MRPS6: variants seen among roughly 807,000 people sequenced by gnomAD.
MRPS6 encodes mitochondrial ribosomal protein S6, also known as small ribosomal subunit protein bS6m.
Under a neutral mutation model 13.1 loss-of-function variants are expected in MRPS6, and 6 were observed. That is an observed-to-expected ratio of 0.46 (90% CI 0.25 to 0.91). The LOEUF (loss-of-function observed/expected upper bound fraction) is 0.91, where lower values mean the gene tolerates loss of function less well. Among genes scored for constraint, MRPS6 ranks in the 40% least tolerant of loss-of-function variants. MRPS6 has a pLI of 0.18. For synonymous variants in MRPS6, 61 were observed against 56.5 expected (o/e 1.08, Z -0.36); for missense variants, 164 against 155.6 (o/e 1.05, Z -0.29).
At chr21:34,078,523 T>C (rs573340552) in intron 1 of MRPS6, among the ~76,000 whole-genome samples, 1 of 152,302 alleles carries the variant, frequency 6.6e-6, no homozygotes. Flanking sequence ...AATACTGATG[T>C]TTCTAGATTT....
intron 1 of MRPS6, chr21:34,097,411 A>AG: frequency 1.4e-6 from 2 of 1,383,334 alleles, no homozygotes; most frequent in African/African-American, 2.7e-5. Context: ...TCTTTGGGGA[A>AG]AAAAGTTATG....
chr21:34,092,363 A>G (rs1978741016), intron 1 of MRPS6, among the ~76,000 whole-genome samples: 1 of 472 alleles, frequency 2.1e-3, no homozygotes, highest in Non-Finnish European at 4.2e-3. Flanking sequence ...AGTTGGAAAA[A>G]TCTAGACACG....
chr21:34,102,322 G>A (rs916497750), intron 1 of MRPS6: 2 of 998,936 alleles, frequency 2.0e-6, no homozygotes, highest in Non-Finnish European at 2.4e-6. Flanking sequence ...TGAGAATAAG[G>A]CTTTAAATTA....
chr21:34,108,782 A>G (rs965452582), intron 1 of MRPS6, among the ~76,000 whole-genome samples: 3 of 152,222 alleles, frequency 2.0e-5, no homozygotes, highest in African/African-American at 4.8e-5. Context: ...ATTTGAAATC[A>G]TAAGACCATA....
chr21:34,115,768 A>C (rs1979874314), intron 1 of MRPS6, among the ~76,000 whole-genome samples: 1 of 152,148 alleles, frequency 6.6e-6, no homozygotes, highest in Non-Finnish European at 1.5e-5. Context: ...TTGTTGCAAA[A>C]GAAGTTTGTC....
At chr21:34,095,241 CTG>C in intron 1 of MRPS6, 1 of 1,613,704 alleles carries the variant, frequency 6.2e-7, no homozygotes, top group Non-Finnish European at 8.5e-7. Flanking sequence ...CATAGTGGCC[CTG>C]TATTTTATCC....
chr21:34,105,265 T>C, intron 1 of MRPS6: 2 of 1,000,278 alleles, frequency 2.0e-6, no homozygotes, highest in Non-Finnish European at 2.4e-6. Flanking sequence ...CAGACCCATG[T>C]TGGCAATCAT....
intron 2 of MRPS6, among the ~76,000 whole-genome samples, chr21:34,130,827 G>A (rs1029376060): frequency 3.3e-5 from 5 of 152,208 alleles, no homozygotes; most frequent in Admixed American, 6.5e-5. Flanking sequence ...AAAGTTACGT[G>A]CTTTTCTATA....
intron 1 of MRPS6, among the ~76,000 whole-genome samples, chr21:34,116,318 GTT>G (rs543766044): frequency 1.2e-4 from 16 of 129,184 alleles, no homozygotes; most frequent in African/African-American, 3.4e-4. Context: ...AATCATCCAT[GTT>G]TTTTTTTTTT....
At chr21:34,082,837 A>ACGT (rs1989490184) in intron 1 of MRPS6, among the ~76,000 whole-genome samples, 1 of 152,190 alleles carries the variant, frequency 6.6e-6, no homozygotes, top group African/African-American at 2.4e-5. Flanking sequence ...CCCAAGGTGT[A>ACGT]ATTGACTTGT....
intron 1 of MRPS6, chr21:34,097,701 G>T: frequency 9.8e-7 from 1 of 1,017,516 alleles, no homozygotes; most frequent in East Asian, 1.0e-4. Context: ...GCCAAGTCTT[G>T]GCAGACCTTA....
intron 1 of MRPS6, among the ~76,000 whole-genome samples, chr21:34,077,673 A>G (rs1455928062): frequency 6.6e-6 from 1 of 152,232 alleles, no homozygotes; most frequent in Non-Finnish European, 1.5e-5. Context: ...TTTTATGTTT[A>G]ATACTCAACG....
At chr21:34,100,493 A>C in intron 1 of MRPS6, 2 of 1,000,228 alleles carry the variant, frequency 2.0e-6, no homozygotes, top group South Asian at 4.7e-5. Context: ...CCTTCGGCCT[A>C]AATTCAATAG....
intron 1 of MRPS6, chr21:34,095,269 G>GT (rs1569416317): frequency 6.2e-7 from 1 of 1,614,120 alleles, no homozygotes; most frequent in Non-Finnish European, 8.5e-7. Flanking sequence ...ATGTGCATTG[G>GT]TTTTTTTGCC....
intron 1 of MRPS6, among the ~76,000 whole-genome samples, chr21:34,114,810 A>G (rs1979838484): frequency 6.6e-6 from 1 of 152,254 alleles, no homozygotes; most frequent in African/African-American, 2.4e-5. Flanking sequence ...TAACCAAGGC[A>G]CATGACTAAC....
At chr21:34,087,111 T>G (rs532170786) in intron 1 of MRPS6, among the ~76,000 whole-genome samples, 1 of 152,172 alleles carries the variant, frequency 6.6e-6, no homozygotes, top group Non-Finnish European at 1.5e-5. Context: ...AGATGGTGGC[T>G]CCAGATACAG....
At chr21:34,098,237 C>T in intron 1 of MRPS6, 1 of 999,434 alleles carries the variant, frequency 1.0e-6, no homozygotes, top group African/African-American at 1.7e-5. Context: ...CTCATATATT[C>T]TGCTAATTTT....
intron 1 of MRPS6, among the ~76,000 whole-genome samples, chr21:34,077,922 T>C (rs1989372443): frequency 6.6e-6 from 1 of 152,252 alleles, no homozygotes; most frequent in Admixed American, 6.5e-5. Context: ...TCTAGAGTTC[T>C]ATTCAAGTTA....
At chr21:34,095,759 G>T (rs752349480) in intron 1 of MRPS6, 2 of 1,614,050 alleles carry the variant, frequency 1.2e-6, no homozygotes, top group South Asian at 2.2e-5. Flanking sequence ...CAGACACTCT[G>T]CAGGCTCTGC....
Sources: gnomAD v4.1 joint callset for allele counts (sites outside exome capture counted in the v4.1 genomes callset) on GRCh38, gnomAD v4.1.1 for gene constraint, MANE v1.5 for transcripts, NCBI Gene and HGNC (gene_info 2026-07-23, HGNC 2026-07-21) for gene names.